Variants in TNS4 observed in about 807,000 individuals in gnomAD.
TNS4 encodes tensin 4.
TNS4 carries 46 observed loss-of-function variants against 70.4 expected under a neutral mutation model. That is an observed-to-expected ratio of 0.65 (90% CI 0.52 to 0.84). The LOEUF (loss-of-function observed/expected upper bound fraction) is 0.84. Ranked by LOEUF, TNS4 falls within the 40% of genes least tolerant of loss-of-function variation. The probability of loss-of-function intolerance (pLI) is 0.00; values close to 1 mark genes in which losing one functional copy is unlikely to be tolerated. For missense variants in TNS4, 863 were observed against 907.0 expected, an observed-to-expected ratio of 0.95 and a Z score of 0.62; for synonymous variants, 390 against 366.6, an observed-to-expected ratio of 1.06 and a Z score of -0.73.
At chr17:40,496,951 A>C (rs1269483310) in intron 1 of TNS4, among the ~76,000 whole-genome samples, 2 of 152,206 alleles carry the variant, frequency 1.3e-5, no homozygotes, top group African/African-American at 4.8e-5. Flanking sequence ...TCCTTATAAC[A>C]ACTGTATAAG....
intron 8 of TNS4, 78 bp downstream of exon 8, chr17:40,482,051 G>T (rs1039192534): frequency 1.3e-6 from 2 of 1,506,900 alleles, no homozygotes; most frequent in African/African-American, 1.4e-5. Context: ...CCACCAACAA[G>T]GTAGGAGTGA....
At chr17:40,486,306 C>T (rs1398153396) in intron 4 of TNS4, among the ~76,000 whole-genome samples, 1 of 152,160 alleles carries the variant, frequency 6.6e-6, no homozygotes, top group African/African-American at 2.4e-5. Flanking sequence ...ACGTCAGAGT[C>T]AGAACTGACT....
chr17:40,498,661 G>A (rs2036174509), intron 1 of TNS4, among the ~76,000 whole-genome samples: 1 of 152,076 alleles, frequency 6.6e-6, no homozygotes, highest in South Asian at 2.1e-4. Context: ...GGGCTCAAGC[G>A]ATTCTCCCAG....
At chr17:40,480,942 G>A in intron 8 of TNS4, 174 bp from the exon 9 acceptor site, 1 of 686,070 alleles carries the variant, frequency 1.5e-6, no homozygotes, top group Non-Finnish European at 2.4e-6. Context: ...AGGCCACTTT[G>A]GGCTCCCTAA....
Position 40,480,702 on chromosome 17 carries a change from G to T in TNS4, c.1739C>A (p.Ala580Glu), listed in dbSNP as rs140032692. ...GCCTCCCTTCCTGTACCACTCACCC[G>T]CAGATTTCTTCTGGCAGGAGGCTGG... is the stretch of plus-strand genomic sequence containing the variant. Reference protein sequence around the residue: ...DSPASCQKKSAGCHTLYLSSV... With the variant: ...DSPASCQKKSEGCHTLYLSSV... The change falls in exon 9 of 13, where the codon GCG (alanine) becomes GAG (glutamate). Residue 580 changes from alanine (A) to glutamate (E), a missense_variant and splice_region_variant. Ala to Glu is a moderately radical substitution (Grantham distance 107). Transcript: ENST00000254051. 5 of 1,557,106 alleles carry T rather than the reference G, an allele frequency of 3.2e-6. No homozygotes were observed. The highest frequency in any genetic ancestry group is 4.3e-6 in the Non-Finnish European group (5 of 1,156,148).
At chr17:40,483,927 G>C (rs2035959007) in intron 6 of TNS4, among the ~76,000 whole-genome samples, 1 of 152,164 alleles carries the variant, frequency 6.6e-6, no homozygotes, top group Admixed American at 6.5e-5. Flanking sequence ...GTTTTCATCT[G>C]TCTCCCTAGT....
chr17:40,496,333 T>G lies in TNS4; in HGVS notation c.93A>C (p.Ala31=), dbSNP rs1597701469. 1 of 1,613,520 alleles carries G rather than the reference T, an allele frequency of 6.2e-7. No homozygotes were observed. The highest frequency in any genetic ancestry group is 8.5e-7 in the Non-Finnish European group (1 of 1,179,852). Residue 31 remains alanine (A), a synonymous_variant, in exon 2 of 13, where the codon GCA becomes GCC. Coordinates refer to ENST00000254051, the MANE Select transcript of TNS4 (RefSeq NM_032865.6). The part of the protein sequence containing the change: ...CDEPRRTLHP[A]PSPSLPPQCS... Reference sequence around the variant, plus strand: ...ACTGGGGTGGCAGGCTGGGGCTGGGTGCTGGGTGCAGGGTCCTCCTGGGCT... The same window carrying G: ...ACTGGGGTGGCAGGCTGGGGCTGGGGGCTGGGTGCAGGGTCCTCCTGGGCT...
At position 40,487,237 on chromosome 17, in the gene TNS4, G is replaced by A; in HGVS notation, c.1087C>T (p.Pro363Ser). The change falls in exon 4 of 13, where the codon CCA becomes TCA. Residue 363 changes from proline (P) to serine (S), a missense_variant. Transcript: ENST00000254051. ...TCCACCATGGAGTTGGTGATGGATG[G>A]GGGGCAGCTGCTGGCATGTTCTTTG... is the stretch of plus-strand genomic sequence containing the variant. ...LAKEHASSCPPSITNSMVDIP... is the reference protein window; with the variant it reads ...LAKEHASSCPSSITNSMVDIP... The A allele has an allele frequency of 6.2e-7, 1 of 1,614,182 alleles. No individual in the cohort carries two copies. Among genetic ancestry groups the A allele is most frequent in the African/African-American group, 1.3e-5 (1 of 75,042 alleles).
At chr17:40,477,756 G>C in intron 12 of TNS4, 27 bp from the exon 13 acceptor site, 1 of 1,612,166 alleles carries the variant, frequency 6.2e-7, no homozygotes, top group Non-Finnish European at 8.5e-7. Context: ...GTCTGAGTGA[G>C]GGGTGGGACC....
At chr17:40,489,810 A>G (rs916605689) in intron 2 of TNS4, among the ~76,000 whole-genome samples, 12 of 151,812 alleles carry the variant, frequency 7.9e-5, no homozygotes, top group Non-Finnish European at 1.5e-4. Flanking sequence ...AAAAAAAAAA[A>G]AAAGGAAGTG....
At chr17:40,493,184 A>G (rs1354367911) in intron 2 of TNS4, among the ~76,000 whole-genome samples, 1 of 152,142 alleles carries the variant, frequency 6.6e-6, no homozygotes, top group Non-Finnish European at 1.5e-5. Context: ...ATATGTATAT[A>G]TATTTAGGGG....
Position 40,482,418 on chromosome 17 carries a change from T to C in TNS4, c.1502-2A>G, listed in dbSNP as rs1273615853. The C allele has an allele frequency of 1.2e-6, 2 of 1,613,130 alleles. No individual in the cohort carries two copies. The highest frequency in any genetic ancestry group is 1.7e-5 in the Admixed American group (1 of 59,996). ...GGATGAGGTCATTGCTGTCCTCACC[T>C]GGACAGAGAAGAAAGAGTGCATTCG... On this transcript the variant is annotated splice_acceptor_variant, in intron 6 of 12. Coordinates refer to ENST00000254051, the MANE Select transcript of TNS4 (RefSeq NM_032865.6). LOFTEE classifies it high-confidence loss of function.
chr17:40,487,111 GA>G lies in TNS4; in HGVS notation c.1212del (p.Ser406AlafsTer34), dbSNP rs2143802683. On this transcript the variant is annotated frameshift_variant, in exon 4 of 13. Transcript: ENST00000254051. LOFTEE classifies it high-confidence loss of function. ...CTGGTGGCTGGACAGGGGTTGCTGG[GA>G]GAAGCAGCTCCAGGTTGAACGGAGT... ...HQNSVQPGAA[S>X]PSNPCPATRS... 2 of 1,614,228 alleles carry G rather than the reference GA, an allele frequency of 1.2e-6. No homozygotes were observed. Among genetic ancestry groups the G allele is most frequent in the East Asian group, 4.5e-5 (2 of 44,886 alleles).
chr17:40,484,800 T>C, intron 5 of TNS4, 121 bp downstream of exon 5: 2 of 1,359,470 alleles, frequency 1.5e-6, no homozygotes, highest in Non-Finnish European at 2.1e-6. Context: ...CAGCAGGACA[T>C]CCCCCTCCCC....
intron 12 of TNS4, 187 bp downstream of exon 12, chr17:40,478,120 T>C (rs2035873088): frequency 2.8e-6 from 2 of 724,784 alleles, no homozygotes; most frequent in African/African-American, 1.8e-5. Flanking sequence ...CCCAGGCTCA[T>C]GTCACCCCCA....
At chr17:40,494,830 AGT>A (rs1392922790) in intron 2 of TNS4, among the ~76,000 whole-genome samples, 2 of 152,052 alleles carry the variant, frequency 1.3e-5, no homozygotes, top group Non-Finnish European at 2.9e-5. Context: ...GTGTCCAGTA[AGT>A]GTAATATCTT....
intron 2 of TNS4, among the ~76,000 whole-genome samples, chr17:40,494,130 C>T (rs1247287197): frequency 2.0e-5 from 3 of 152,254 alleles, no homozygotes; most frequent in Non-Finnish European, 2.9e-5. Context: ...GGCTGGCCTC[C>T]ACCTCAGAGC....
rs1247111744 is a variant in TNS4, at chr17:40,487,080, T to C, written c.1244A>G (p.Asn415Ser). 1 of 1,614,220 alleles carries C rather than the reference T, an allele frequency of 6.2e-7. No individual in the cohort carries two copies. The highest frequency in any genetic ancestry group is 8.5e-7 in the Non-Finnish European group (1 of 1,180,030). Reference protein sequence around the residue: ...PSNPCPATRSNSQTLSDAPFT... With the variant: ...PSNPCPATRSSSQTLSDAPFT... ...GGGGGCATCTGACAGGGTCTGGCTGTTGCTCCTGGTGGCTGGACAGGGGTT... is the reference window on the plus strand; with the variant it reads ...GGGGGCATCTGACAGGGTCTGGCTGCTGCTCCTGGTGGCTGGACAGGGGTT... Residue 415 changes from asparagine to serine, a missense_variant, in exon 4 of 13, where the codon AAC becomes AGC. Physicochemically the swap from Asn to Ser is conservative, Grantham distance 46. Transcript: ENST00000254051.
chr17:40,496,703 TTC>T (rs1317950580), intron 1 of TNS4, among the ~76,000 whole-genome samples, 183 bp from the exon 2 acceptor site: 2 of 152,240 alleles, frequency 1.3e-5, no homozygotes, highest in African/African-American at 4.8e-5. Context: ...GTTAATTGAC[TTC>T]TCTGTGCCTC....
Sources: allele counts gnomAD v4.1 joint callset (sites outside exome capture counted in the v4.1 genomes callset), GRCh38; gene constraint gnomAD v4.1.1; transcripts MANE v1.5; gene names NCBI Gene and HGNC (gene_info 2026-07-23, HGNC 2026-07-21).